The following HERC4 variants were observed in gnomAD, a reference collection of about 807,000 sequenced individuals.
HERC4 encodes HECT and RLD domain containing E3 ubiquitin protein ligase 4.
A neutral mutation model predicts 124.3 loss-of-function variants in HERC4; 28 were observed. That is an observed-to-expected ratio of 0.23 (90% CI 0.17 to 0.31). The LOEUF (loss-of-function observed/expected upper bound fraction) is 0.31, where lower values mean the gene tolerates loss of function less well. HERC4 is among the 10% of genes least tolerant of loss of function. The pLI is 1.00. For synonymous variants in HERC4, 407 were observed against 421.5 expected (o/e 0.97, Z 0.42); for missense variants, 713 against 1,229.3 (o/e 0.58, Z 6.28).
chr10:67,953,477 C>T (rs79947124), intron 19 of HERC4, among the ~76,000 whole-genome samples: 2,165 of 152,154 alleles, frequency 0.014, 53 homozygotes, highest in African/African-American at 0.049. Context: ...ATAGTAAGTA[C>T]ACAAGGTAGC....
At chr10:67,938,921 G>T (rs1409015207) in intron 21 of HERC4, among the ~76,000 whole-genome samples, 1 of 152,126 alleles carries the variant, frequency 6.6e-6, no homozygotes, top group Non-Finnish European at 1.5e-5. Flanking sequence ...CCCAGCCTGG[G>T]TAACAGAGCA....
chr10:68,011,243 T>A (rs765212549), intron 9 of HERC4, among the ~76,000 whole-genome samples: 11 of 152,156 alleles, frequency 7.2e-5, no homozygotes, highest in Admixed American at 6.5e-5. Flanking sequence ...GTAGAGACAG[T>A]GTCTCACTAC....
At chr10:67,944,944 C>T (rs2033209759) in intron 19 of HERC4, among the ~76,000 whole-genome samples, 1 of 152,110 alleles carries the variant, frequency 6.6e-6, no homozygotes, top group Non-Finnish European at 1.5e-5. Context: ...TGAAGCACTC[C>T]TACAAGATCT....
chr10:68,038,597 T>C (rs1178330425), intron 4 of HERC4, among the ~76,000 whole-genome samples: 1 of 152,202 alleles, frequency 6.6e-6, no homozygotes, highest in African/African-American at 2.4e-5. Flanking sequence ...TTAATGCACG[T>C]TCTCCTTTAT....
At chr10:68,066,650 T>C (rs997494936) in intron 3 of HERC4, among the ~76,000 whole-genome samples, 2 of 152,178 alleles carry the variant, frequency 1.3e-5, no homozygotes, top group Non-Finnish European at 2.9e-5. Context: ...CTAATCCAAG[T>C]TCCAAGGTTA....
At chr10:67,958,995 A>G (rs1001962498) in intron 16 of HERC4, 70 of 640,990 alleles carry the variant, frequency 1.1e-4, no homozygotes, top group South Asian at 1.2e-4. Context: ...ATACATATAT[A>G]TCTATTTATT....
intron 23 of HERC4, among the ~76,000 whole-genome samples, chr10:67,931,923 G>T (rs2031855638): frequency 6.6e-6 from 1 of 151,998 alleles, no homozygotes; most frequent in African/African-American, 2.4e-5. Flanking sequence ...ACCACATCTG[G>T]CTAATTTTTA....
At chr10:68,059,355 A>C (rs1020267341) in intron 3 of HERC4, among the ~76,000 whole-genome samples, 1 of 148,572 alleles carries the variant, frequency 6.7e-6, no homozygotes, top group Non-Finnish European at 1.5e-5. Context: ...TGTGCTCCTC[A>C]GTAATGCTTT....
chr10:68,006,784 C>T (rs1346808716), intron 9 of HERC4, among the ~76,000 whole-genome samples: 2 of 152,140 alleles, frequency 1.3e-5, no homozygotes, highest in African/African-American at 4.8e-5. Context: ...TCCTTTAGCA[C>T]TTTAAATATG....
chr10:67,980,962 AAAAAC>A (rs1332761320), intron 15 of HERC4, among the ~76,000 whole-genome samples: 2 of 152,242 alleles, frequency 1.3e-5, no homozygotes, highest in Non-Finnish European at 2.9e-5. Context: ...CACCTTCACT[AAAAAC>A]AAAACAGCAA....
chr10:68,057,685 C>G, intron 3 of HERC4, among the ~76,000 whole-genome samples: 1 of 150,008 alleles, frequency 6.7e-6, no homozygotes, highest in African/African-American at 2.4e-5. Flanking sequence ...CTCAAAATAT[C>G]AGTAAACAAA....
intron 15 of HERC4, among the ~76,000 whole-genome samples, chr10:67,981,484 A>G (rs1302587890): frequency 6.6e-6 from 1 of 152,258 alleles, no homozygotes; most frequent in Non-Finnish European, 1.5e-5. Context: ...ATGTACAGAC[A>G]GAAAACCAAC....
chr10:67,997,548 G>A (rs1283967295), intron 9 of HERC4, among the ~76,000 whole-genome samples: 1 of 152,112 alleles, frequency 6.6e-6, no homozygotes, highest in Non-Finnish European at 1.5e-5. Flanking sequence ...TTGCCTTCCT[G>A]TGATGAGCTG....
At chr10:68,000,757 G>C (rs976455570) in intron 9 of HERC4, among the ~76,000 whole-genome samples, 3 of 152,226 alleles carry the variant, frequency 2.0e-5, no homozygotes, top group South Asian at 4.1e-4. Context: ...CACGTACAGA[G>C]AGAAGGCCAA....
rs979996924 is a variant in HERC4 at position 67,991,242 on chromosome 10, T to C, written c.1272-43A>G. 7 of 1,111,000 alleles carry C rather than the reference T, an allele frequency of 6.3e-6. No homozygotes were observed. The African/African-American group carries it at 8.1e-5, about 13-fold the overall frequency. 68.8% of individuals were successfully genotyped at this position (1,111,000 alleles called of 1,614,324 possible). On this transcript the variant is annotated intron_variant, in intron 11 of 24. Coordinates refer to ENST00000373700, the MANE Select transcript of HERC4 (RefSeq NM_015601.4). ...GTTTTTTTAATCATAGAATCAGAAA[T>C]TTAATTGTTTACCCTTTCTTAAAAA...
At chr10:67,947,808 T>C (rs567128896) in intron 19 of HERC4, among the ~76,000 whole-genome samples, 1 of 151,292 alleles carries the variant, frequency 6.6e-6, no homozygotes, top group East Asian at 1.9e-4. Flanking sequence ...TCTGGAAAAT[T>C]CACAAACATA....
At position 67,955,017 on chromosome 10, in the gene HERC4, A is replaced by G. The variant is rs774829979; in HGVS notation, c.2139T>C (p.Asp713=). The G allele has an allele frequency of 5.0e-6, 8 of 1,600,696 alleles. No individual in the cohort carries two copies. In the South Asian group the frequency reaches 5.6e-5, roughly 11 times the overall value. Reference sequence around the variant, plus strand: ...TTGTTTTCCTAAGGACTTCCATTGCATCTCCTACAATATTTTCTCTACGCA... The same window carrying G: ...TTGTTTTCCTAAGGACTTCCATTGCGTCTCCTACAATATTTTCTCTACGCA... The part of the protein sequence containing the change: ...LVVRRENIVG[D]AMEVLRKTKN... Residue 713 remains aspartate (D), a synonymous_variant, in exon 18 of 25, where the codon GAT becomes GAC. Transcript: ENST00000373700.
At chr10:68,039,703 AT>A in intron 4 of HERC4, 1 of 1,357,962 alleles carries the variant, frequency 7.4e-7, no homozygotes, top group Non-Finnish European at 9.5e-7. Context: ...AAATAGCAAA[AT>A]CAAACACTGG....
chr10:68,004,617 C>G (rs572789198), intron 9 of HERC4, among the ~76,000 whole-genome samples: 1 of 152,170 alleles, frequency 6.6e-6, no homozygotes, highest in South Asian at 2.1e-4. Flanking sequence ...TAAAAAATTG[C>G]CTGAGACTGG....
Sources: allele counts gnomAD v4.1 joint callset (sites outside exome capture counted in the v4.1 genomes callset), GRCh38; gene constraint gnomAD v4.1.1; transcripts MANE v1.5; gene names NCBI Gene and HGNC (gene_info 2026-07-23, HGNC 2026-07-21).